Variants in CNTNAP5 observed in about 807,000 individuals in gnomAD.
The protein encoded by CNTNAP5 is contactin associated protein family member 5, also known as contactin-associated protein-like 5.
In CNTNAP5, 72 loss-of-function variants were observed where a neutral mutation model predicts 150.2. That is an observed-to-expected ratio of 0.48 (90% CI 0.40 to 0.58). The LOEUF is 0.58. Ranked by LOEUF, CNTNAP5 falls within the 20% of genes least tolerant of loss-of-function variation. The probability of loss-of-function intolerance (pLI) is 0.00; values close to 1 mark genes in which losing one functional copy is unlikely to be tolerated. For missense variants in CNTNAP5, 1,636 were observed against 1,626.2 expected (o/e 1.01, Z -0.10); for synonymous variants, 672 against 619.8 (o/e 1.08, Z -1.25).
intron 13 of CNTNAP5, among the ~76,000 whole-genome samples, chr2:124,677,048 A>T (rs964716467): frequency 1.3e-5 from 2 of 152,122 alleles, no homozygotes; most frequent in Admixed American, 6.6e-5. Flanking sequence ...GGTCTCACTG[A>T]CTTCAAGAAT....
chr2:124,620,178 G>C (rs181403646), intron 12 of CNTNAP5, among the ~76,000 whole-genome samples: 1 of 152,098 alleles, frequency 6.6e-6, no homozygotes, highest in East Asian at 1.9e-4. Flanking sequence ...ATACACACTT[G>C]AATGAGTCTA....
intron 1 of CNTNAP5, among the ~76,000 whole-genome samples, chr2:124,191,259 T>C (rs1300086735): frequency 6.6e-6 from 1 of 152,204 alleles, no homozygotes; most frequent in African/African-American, 2.4e-5. Context: ...ATAAACTTTT[T>C]GGTGTGGGAT....
At chr2:124,100,186 C>T (rs530276236) in intron 1 of CNTNAP5, among the ~76,000 whole-genome samples, 22 of 152,142 alleles carry the variant, frequency 1.4e-4, no homozygotes, top group Admixed American at 3.3e-4. Flanking sequence ...ATACGAGGGG[C>T]GGAGGGGCGA....
At chr2:124,337,046 G>C (rs1194273560) in intron 3 of CNTNAP5, among the ~76,000 whole-genome samples, 1 of 152,242 alleles carries the variant, frequency 6.6e-6, no homozygotes, top group African/African-American at 2.4e-5. Context: ...GTTGTTTCCT[G>C]ACTTTTTAAT....
intron 1 of CNTNAP5, among the ~76,000 whole-genome samples, chr2:124,151,057 G>A (rs886394317): frequency 7.9e-5 from 12 of 152,182 alleles, no homozygotes; most frequent in African/African-American, 2.9e-4. Context: ...TCTGCTAGGG[G>A]TAGCAGGAAG....
At position 124,646,733 on chromosome 2, in the gene CNTNAP5, C is replaced by T. The variant is rs770568208; in HGVS notation, c.1877-1025C>T. On this transcript the variant is annotated intron_variant, in intron 12 of 23. Transcript: ENST00000682447. ...TATTTGTGGTTGCTTTTCCATATTA[C>T]CAGTGCTACCAGGGTATTGCTCTCT... Among the ~76,000 whole-genome samples, 149 of 152,170 alleles carry T rather than the reference C, an allele frequency of 9.8e-4. 1 individual carries two copies. The highest frequency in any genetic ancestry group is 3.2e-4 in the Non-Finnish European group (22 of 68,040).
intron 1 of CNTNAP5, among the ~76,000 whole-genome samples, chr2:124,082,781 G>A (rs1249440844): frequency 6.6e-6 from 1 of 152,152 alleles, no homozygotes; most frequent in East Asian, 1.9e-4. Flanking sequence ...ATGTATGAAT[G>A]ATCCACATTC....
chr2:124,368,937 A>G (rs1690447190), intron 3 of CNTNAP5, among the ~76,000 whole-genome samples: 1 of 152,190 alleles, frequency 6.6e-6, no homozygotes, highest in Non-Finnish European at 1.5e-5. Context: ...TCTACTGAAT[A>G]CCCATTTTAT....
intron 13 of CNTNAP5, among the ~76,000 whole-genome samples, chr2:124,677,071 C>G (rs1168457161): frequency 6.6e-6 from 1 of 152,052 alleles, no homozygotes; most frequent in Admixed American, 6.6e-5. Context: ...AGCTGCAGAC[C>G]CTCGTGGTGA....
At chr2:124,487,941 A>ATT (rs1693928569) in intron 7 of CNTNAP5, among the ~76,000 whole-genome samples, 1 of 152,258 alleles carries the variant, frequency 6.6e-6, no homozygotes, top group East Asian at 1.9e-4. Context: ...AGTCTCCATG[A>ATT]TTCATAAGAG....
At chr2:124,155,533 G>T (rs534413584) in intron 1 of CNTNAP5, among the ~76,000 whole-genome samples, 30 of 151,992 alleles carry the variant, frequency 2.0e-4, no homozygotes, top group African/African-American at 7.2e-4. Context: ...TGCTTTACTA[G>T]GAAAAAATAG....
intron 3 of CNTNAP5, among the ~76,000 whole-genome samples, chr2:124,362,463 A>G (rs1690240000): frequency 1.3e-5 from 2 of 152,342 alleles, no homozygotes; most frequent in South Asian, 2.1e-4. Context: ...CATTAGACAA[A>G]TGGTTCTACT....
chr2:124,061,963 A>G (rs17010809), intron 1 of CNTNAP5, among the ~76,000 whole-genome samples: 15,820 of 152,128 alleles, frequency 0.1, 974 homozygotes, highest in East Asian at 0.33. Flanking sequence ...CCGCAATGCC[A>G]TCCACATCCA....
chr2:124,326,469 A>G (rs1315406388), intron 3 of CNTNAP5, among the ~76,000 whole-genome samples: 1 of 152,228 alleles, frequency 6.6e-6, no homozygotes, highest in Non-Finnish European at 1.5e-5. Context: ...CCTGTGCTTG[A>G]CAGAGAAAAA....
At chr2:124,164,197 A>C (rs980037978) in intron 1 of CNTNAP5, among the ~76,000 whole-genome samples, 1 of 152,210 alleles carries the variant, frequency 6.6e-6, no homozygotes, top group East Asian at 1.9e-4. Flanking sequence ...GCTGCCATGA[A>C]CACGCAATAC....
chr2:124,680,448 G>A (rs926692849), intron 13 of CNTNAP5, among the ~76,000 whole-genome samples: 2 of 151,816 alleles, frequency 1.3e-5, no homozygotes, highest in Non-Finnish European at 2.9e-5. Context: ...GACACACAGT[G>A]GGCTCCCAGC....
At chr2:124,813,732 C>T (rs1022895727) in intron 19 of CNTNAP5, among the ~76,000 whole-genome samples, 1 of 151,884 alleles carries the variant, frequency 6.6e-6, no homozygotes, top group Non-Finnish European at 1.5e-5. Flanking sequence ...ATGTCAGAAA[C>T]AAGCATCACT....
chr2:124,329,080 C>T (rs1689287231), intron 3 of CNTNAP5, among the ~76,000 whole-genome samples: 1 of 152,010 alleles, frequency 6.6e-6, no homozygotes, highest in African/African-American at 2.4e-5. Flanking sequence ...TAAATCGGCC[C>T]AAAGAGCAAC....
intron 1 of CNTNAP5, among the ~76,000 whole-genome samples, chr2:124,042,871 A>T (rs1380087077): frequency 6.6e-6 from 1 of 152,108 alleles, no homozygotes; most frequent in Non-Finnish European, 1.5e-5. Context: ...AAGGTGCCGA[A>T]GTTGCCTATG....
Sources: allele counts gnomAD v4.1 joint callset (sites outside exome capture counted in the v4.1 genomes callset), GRCh38; gene constraint gnomAD v4.1.1; transcripts MANE v1.5; gene names NCBI Gene and HGNC (gene_info 2026-07-23, HGNC 2026-07-21).